Variants in FAM178B observed in about 807,000 individuals in gnomAD.
FAM178B encodes the protein family with sequence similarity 178 member B.
In FAM178B, 82 loss-of-function variants were observed where a neutral mutation model predicts 91.7. The observed-to-expected ratio is 0.89, with a 90% CI of 0.75 to 1.07. The LOEUF (loss-of-function observed/expected upper bound fraction) is 1.07, where lower values mean the gene tolerates loss of function less well. Ranked by LOEUF, FAM178B falls within the 50% of genes least tolerant of loss-of-function variation. The pLI, the probability that FAM178B is intolerant of heterozygous loss-of-function variation, is 0.00. For synonymous variants in FAM178B, 368 were observed against 359.4 expected (o/e 1.02, Z -0.27); for missense variants, 769 against 846.7 (o/e 0.91, Z 1.14).
At chr2:96,982,903 T>C (rs931357240) in intron 1 of FAM178B, among the ~76,000 whole-genome samples, 4 of 150,588 alleles carry the variant, frequency 2.7e-5, no homozygotes, top group Non-Finnish European at 5.9e-5. Context: ...TTTAGAGATA[T>C]AGTCTCTCTC....
intron 15 of FAM178B, 142 bp from the exon 16 acceptor site, chr2:96,878,184 G>C: frequency 2.1e-6 from 2 of 965,490 alleles, no homozygotes; most frequent in South Asian, 3.0e-5. Flanking sequence ...AAGGAGGATG[G>C]GGCCAGCACA....
At chr2:96,949,873 A>G (rs2081895152) in intron 7 of FAM178B, 1 of 566,128 alleles carries the variant, frequency 1.8e-6, no homozygotes, top group Non-Finnish European at 2.2e-6. Flanking sequence ...TTAACTCCAC[A>G]TGGGCCCATC....
At chr2:96,912,913 C>G (rs879282672) in intron 12 of FAM178B, among the ~76,000 whole-genome samples, 1 of 152,196 alleles carries the variant, frequency 6.6e-6, no homozygotes, top group Non-Finnish European at 1.5e-5. Context: ...AAGAATCCAA[C>G]CTGCCCGAGG....
chr2:96,968,314 C>G (rs2153375528), intron 4 of FAM178B, among the ~76,000 whole-genome samples: 1 of 152,184 alleles, frequency 6.6e-6, no homozygotes. Context: ...GCGCGCCTCA[C>G]TTCAACTGGC....
intron 1 of FAM178B, among the ~76,000 whole-genome samples, chr2:96,982,509 C>T (rs995457899): frequency 3.3e-5 from 5 of 151,960 alleles, no homozygotes; most frequent in African/African-American, 1.2e-4. Context: ...GCAATCCACC[C>T]GCCTCAGTCT....
intron 8 of FAM178B, among the ~76,000 whole-genome samples, chr2:96,940,372 C>T (rs1031817772): frequency 1.3e-5 from 2 of 152,184 alleles, no homozygotes; most frequent in African/African-American, 4.8e-5. Context: ...CTGACTGGCT[C>T]GCTTCCCACC....
At chr2:96,949,617 A>G (rs951832937) in intron 7 of FAM178B, among the ~76,000 whole-genome samples, 5 of 152,022 alleles carry the variant, frequency 3.3e-5, no homozygotes, top group African/African-American at 1.2e-4. Context: ...GCCTCCCACA[A>G]CCACAGTCCC....
intron 8 of FAM178B, among the ~76,000 whole-genome samples, chr2:96,945,912 G>A (rs2081819644): frequency 6.6e-6 from 1 of 152,084 alleles, no homozygotes; most frequent in South Asian, 2.1e-4. Flanking sequence ...CATTCACGCT[G>A]TAGTACAATC....
chr2:96,945,558 G>A (rs1013569192), intron 8 of FAM178B, among the ~76,000 whole-genome samples: 8 of 151,828 alleles, frequency 5.3e-5, no homozygotes, highest in African/African-American at 9.7e-5. Context: ...ACACGTGCGC[G>A]CGCACACACA....
intron 12 of FAM178B, among the ~76,000 whole-genome samples, chr2:96,914,167 G>A (rs1309135269): frequency 2.0e-5 from 3 of 152,252 alleles, no homozygotes; most frequent in Non-Finnish European, 4.4e-5. Flanking sequence ...GGGAGGGCTG[G>A]TCATAGTTCA....
intron 4 of FAM178B, among the ~76,000 whole-genome samples, chr2:96,969,568 A>AG: frequency 6.6e-6 from 1 of 152,226 alleles, no homozygotes; most frequent in Admixed American, 6.5e-5. Context: ...TCCCAATGCC[A>AG]GGCACACCGA....
At chr2:96,955,444 G>A (rs2081986105) in intron 6 of FAM178B, among the ~76,000 whole-genome samples, 1 of 151,998 alleles carries the variant, frequency 6.6e-6, no homozygotes, top group Non-Finnish European at 1.5e-5. Context: ...CCAGGAGGCG[G>A]AGCTTGCAGT....
chr2:96,887,850 G>A (rs570909319), intron 14 of FAM178B, among the ~76,000 whole-genome samples: 1 of 152,190 alleles, frequency 6.6e-6, no homozygotes, highest in African/African-American at 2.4e-5. Flanking sequence ...AAGGGTCTCC[G>A]GGAGGACTGG....
intron 12 of FAM178B, among the ~76,000 whole-genome samples, chr2:96,915,473 T>G (rs1426206687): frequency 2.0e-5 from 3 of 151,946 alleles, no homozygotes; most frequent in Non-Finnish European, 2.9e-5. Flanking sequence ...TGGTGAGAAC[T>G]GGCTGTGGGG....
intron 13 of FAM178B, among the ~76,000 whole-genome samples, chr2:96,900,358 G>A (rs1326498454): frequency 2.0e-5 from 3 of 151,694 alleles, no homozygotes; most frequent in Admixed American, 6.6e-5. Flanking sequence ...GCTGGGGCAC[G>A]TTCTCCCCAT....
At position 96,951,451 on chromosome 2, in the gene FAM178B, G is replaced by A; in HGVS notation, c.921C>T (p.Arg307=). ...GGTAGAGGATGTTCAGGAGGCCACT[G>A]CGCAGGAAGGAGAGCTGTTGGGCTG... The part of the protein sequence containing the change: ...SPPAQQLSFL[R]SGLLNILYLH... Residue 307 remains arginine, a synonymous_variant, in exon 7 of 17, where the codon CGC becomes CGT. Transcript: ENST00000490605. 1.9e-6 allele frequency: 3 copies of A among 1,551,702 alleles called. No homozygotes were observed. The highest frequency in any genetic ancestry group is 1.2e-5 in the South Asian group (1 of 84,060).
At chr2:96,918,218 C>A (rs978139534) in intron 12 of FAM178B, among the ~76,000 whole-genome samples, 7 of 148,114 alleles carry the variant, frequency 4.7e-5, no homozygotes, top group Non-Finnish European at 1.0e-4. Flanking sequence ...CTGAAAGGTA[C>A]CATACATAAA....
intron 1 of FAM178B, among the ~76,000 whole-genome samples, chr2:96,972,978 C>T (rs1045786950): frequency 4.0e-4 from 61 of 151,678 alleles, no homozygotes; most frequent in African/African-American, 1.4e-3. Flanking sequence ...CCAAGGTGGA[C>T]GGATCACCTG....
At chr2:96,976,594 C>T (rs2082291701) in intron 1 of FAM178B, among the ~76,000 whole-genome samples, 2 of 151,836 alleles carry the variant, frequency 1.3e-5, no homozygotes, top group African/African-American at 4.8e-5. Context: ...CCTGTAATCT[C>T]AGTACTTTGG....
Sources: gnomAD v4.1 joint callset for allele counts (sites outside exome capture counted in the v4.1 genomes callset) on GRCh38, gnomAD v4.1.1 for gene constraint, MANE v1.5 for transcripts, NCBI Gene and HGNC (gene_info 2026-07-23, HGNC 2026-07-21) for gene names.